Variants in NBEA observed in about 807,000 individuals in gnomAD.
The protein encoded by NBEA is neurobeachin.
NBEA carries 44 observed loss-of-function variants against 343.4 expected under a neutral mutation model. The observed-to-expected ratio is 0.13, with a 90% confidence interval of 0.10 to 0.16. NBEA has a LOEUF of 0.16. Among genes scored for constraint, NBEA ranks in the 10% least tolerant of loss-of-function variants. The pLI, the probability that NBEA is intolerant of heterozygous loss-of-function variation, is 1.00. For synonymous variants in NBEA, 1,175 were observed against 1,238.7 expected, an observed-to-expected ratio of 0.95 and a Z score of 1.08; for missense variants, 2,555 against 3,631.3, an observed-to-expected ratio of 0.70 and a Z score of 7.62.
intron 36 of NBEA, among the ~76,000 whole-genome samples, chr13:35,318,039 T>C (rs867147599): frequency 1.3e-5 from 2 of 152,208 alleles, no homozygotes; most frequent in Non-Finnish European, 2.9e-5. Flanking sequence ...AATCATGTCA[T>C]CTGCAAATAG....
intron 28 of NBEA, chr13:35,179,669 T>C: frequency 1.9e-6 from 1 of 513,810 alleles, no homozygotes; most frequent in Non-Finnish European, 2.5e-6. Flanking sequence ...TGGCATTCAT[T>C]CATTCATTCC....
chr13:35,443,058 T>C (rs1264815356), intron 39 of NBEA, among the ~76,000 whole-genome samples: 1 of 152,076 alleles, frequency 6.6e-6, no homozygotes, highest in East Asian at 1.9e-4. Flanking sequence ...TAAATTCCAA[T>C]CAATTGTTTA....
chr13:35,370,891 A>G (rs1309371882), intron 38 of NBEA, among the ~76,000 whole-genome samples: 1 of 130,228 alleles, frequency 7.7e-6, no homozygotes, highest in Non-Finnish European at 1.7e-5. Context: ...TTTGCTGGGT[A>G]AAGTGTCCTC....
intron 36 of NBEA, among the ~76,000 whole-genome samples, chr13:35,334,000 A>C (rs2039088142): frequency 6.6e-6 from 1 of 152,094 alleles, no homozygotes. Flanking sequence ...GTACTGCAAC[A>C]GACGTAAGAG....
chr13:35,631,544 AT>A (rs1411157487), intron 49 of NBEA, among the ~76,000 whole-genome samples: 1 of 151,834 alleles, frequency 6.6e-6, no homozygotes, highest in Non-Finnish European at 1.5e-5. Flanking sequence ...ACTAAACTCC[AT>A]CTAGCCTAAG....
At chr13:34,993,688 T>C (rs2060839018) in intron 1 of NBEA, among the ~76,000 whole-genome samples, 1 of 152,132 alleles carries the variant, frequency 6.6e-6, no homozygotes, top group East Asian at 1.9e-4. Context: ...CAACATAGAG[T>C]AGTGCCGACA....
intron 27 of NBEA, among the ~76,000 whole-genome samples, chr13:35,175,382 CACTT>C (rs889388618): frequency 2.0e-5 from 3 of 152,130 alleles, no homozygotes; most frequent in African/African-American, 7.2e-5. Context: ...AGCAGTTTGA[CACTT>C]AATATATTGT....
At chr13:35,536,360 A>G (rs1419178991) in intron 41 of NBEA, among the ~76,000 whole-genome samples, 1 of 152,164 alleles carries the variant, frequency 6.6e-6, no homozygotes, top group Non-Finnish European at 1.5e-5. Flanking sequence ...CCAGGTAGAC[A>G]AGGAGGAGAA....
rs373519730 is a variant in NBEA at position 35,278,506 on chromosome 13, A to G, written c.5777-11883A>G. 9.2e-5 allele frequency among the ~76,000 whole-genome samples: 14 copies of G among 152,344 alleles called. No individual in the cohort carries two copies. The South Asian group carries it at 2.9e-3, about 32-fold the overall frequency. On this transcript the variant is annotated intron_variant, in intron 34 of 58. Coordinates refer to ENST00000379939, the MANE Select transcript of NBEA (RefSeq NM_001385012.1). ...TAAAACCCCGTGAACTCACAAAAAC[A>G]GATTCTATAAATGATTTGTCATCTT... is the stretch of plus-strand genomic sequence containing the variant.
rs532310512 is a variant in NBEA at position 35,614,548 on chromosome 13, G to A, written c.7449+7970G>A. ...GGCTTAAGAATCAGTCAAGTGCTCA[G>A]TGAGGCCGTAGAGGAAATGTGAATT... On this transcript the variant is annotated intron_variant, in intron 48 of 58. Transcript: ENST00000379939. Among the ~76,000 whole-genome samples, 6 of 152,300 alleles carry A rather than the reference G, an allele frequency of 3.9e-5. 1 individual carries two copies. Among genetic ancestry groups the A allele is most frequent in the African/African-American group, 1.4e-4 (6 of 41,566 alleles).
chr13:35,081,875 G>T (rs935047928), intron 10 of NBEA, among the ~76,000 whole-genome samples: 1 of 151,888 alleles, frequency 6.6e-6, no homozygotes, highest in Admixed American at 6.6e-5. Flanking sequence ...AAGGGTATTT[G>T]ATCATCACCA....
intron 49 of NBEA, among the ~76,000 whole-genome samples, chr13:35,644,863 G>A (rs2084144309): frequency 6.6e-6 from 1 of 152,152 alleles, no homozygotes; most frequent in South Asian, 2.1e-4. Context: ...TAGTTAAATA[G>A]TCACACTTGT....
intron 13 of NBEA, among the ~76,000 whole-genome samples, chr13:35,113,062 T>C (rs2066296710): frequency 6.6e-6 from 1 of 152,160 alleles, no homozygotes. Flanking sequence ...CTTAGTTGCA[T>C]TCTTACTTTT....
chr13:35,525,067 A>C (rs55697948), intron 41 of NBEA, among the ~76,000 whole-genome samples: 13,902 of 152,230 alleles, frequency 0.091, 704 homozygotes, highest in African/African-American at 0.11. Context: ...ACCATTTTTC[A>C]GAGAATATTT....
intron 38 of NBEA, among the ~76,000 whole-genome samples, chr13:35,398,284 TC>T (rs2042837761): frequency 6.6e-6 from 1 of 152,160 alleles, no homozygotes; most frequent in African/African-American, 2.4e-5. Context: ...CTGAAAGTCA[TC>T]CATGAAGGTT....
intron 38 of NBEA, among the ~76,000 whole-genome samples, chr13:35,354,907 A>G (rs1466653438): frequency 6.6e-6 from 1 of 152,152 alleles, no homozygotes; most frequent in Admixed American, 6.6e-5. Flanking sequence ...TGATTAGCTG[A>G]TAGTCACCTC....
At chr13:35,319,903 AC>A (rs1594202258) in intron 36 of NBEA, among the ~76,000 whole-genome samples, 1 of 149,044 alleles carries the variant, frequency 6.7e-6, no homozygotes, top group East Asian at 2.0e-4. Flanking sequence ...ATCAGGGACT[AC>A]GATTGCAACC....
At chr13:35,599,941 A>G (rs1455104943) in intron 47 of NBEA, among the ~76,000 whole-genome samples, 1 of 152,200 alleles carries the variant, frequency 6.6e-6, no homozygotes, top group Non-Finnish European at 1.5e-5. Flanking sequence ...TAGGTAATAT[A>G]TGTTAGTCCA....
intron 38 of NBEA, among the ~76,000 whole-genome samples, chr13:35,391,990 A>G (rs752048755): frequency 1.3e-5 from 2 of 152,148 alleles, no homozygotes; most frequent in African/African-American, 2.4e-5. Context: ...AGTTTGATCA[A>G]TAGTGGAGCT....
Sources: allele counts gnomAD v4.1 joint callset (sites outside exome capture counted in the v4.1 genomes callset), GRCh38; gene constraint gnomAD v4.1.1; transcripts MANE v1.5; gene names NCBI Gene and HGNC (gene_info 2026-07-23, HGNC 2026-07-21).